The following IFNAR1 variants were observed in gnomAD, a reference collection of about 807,000 sequenced individuals.
IFNAR1 encodes interferon alpha and beta receptor subunit 1.
In IFNAR1, 47 loss-of-function variants were observed where a neutral mutation model predicts 62.1. The ratio of observed to expected loss-of-function variants is 0.76; its 90% CI spans 0.60 to 0.97. The LOEUF (loss-of-function observed/expected upper bound fraction) is 0.97, where lower values mean the gene tolerates loss of function less well. IFNAR1 is among the 50% of genes least tolerant of loss of function. IFNAR1 has a pLI of 0.00. For missense variants in IFNAR1, 638 were observed against 654.5 expected (o/e 0.97, Z 0.27); for synonymous variants, 219 against 226.9 (o/e 0.97, Z 0.31).
chr21:33,348,822 AT>A (rs1008426149), intron 6 of IFNAR1, among the ~76,000 whole-genome samples: 3 of 152,166 alleles, frequency 2.0e-5, no homozygotes, highest in Non-Finnish European at 2.9e-5. Context: ...GCCAAAAAAA[AT>A]AAACCAGCTT....
At chr21:33,339,706 GAGGTGAGGAGTTTA>G (rs2083275808) in intron 2 of IFNAR1, among the ~76,000 whole-genome samples, 1 of 151,988 alleles carries the variant, frequency 6.6e-6, no homozygotes, top group African/African-American at 2.4e-5. Flanking sequence ...CAGATCACCT[GAGGTGAGGAGTTTA>G]AGATCAGTCT....
intron 6 of IFNAR1, among the ~76,000 whole-genome samples, chr21:33,347,548 T>A (rs774538101): frequency 1.3e-5 from 2 of 152,170 alleles, no homozygotes; most frequent in Non-Finnish European, 2.9e-5. Context: ...ATTAGAGGCA[T>A]GAGCCACCAT....
At chr21:33,341,662 A>G (rs1264120343) in intron 3 of IFNAR1, among the ~76,000 whole-genome samples, 1 of 152,274 alleles carries the variant, frequency 6.6e-6, no homozygotes, top group Non-Finnish European at 1.5e-5. Context: ...TTACCATAAA[A>G]TAGGTTTATC....
chr21:33,325,046 C>T lies in IFNAR1; in HGVS notation c.-10C>T, dbSNP rs745561449. 4 of 1,589,978 alleles carry T rather than the reference C, an allele frequency of 2.5e-6. No homozygotes were observed. The highest frequency in any genetic ancestry group is 1.8e-5 in the Admixed American group (1 of 55,724). On this transcript the variant is annotated 5_prime_UTR_variant, in exon 1 of 11. Transcript: ENST00000270139. Reference sequence around the variant, plus strand: ...AACATGTAACTGGTGGGATCTGCGGCGGCTCCCAGATGATGGTCGTCCTCC... The same window carrying T: ...AACATGTAACTGGTGGGATCTGCGGTGGCTCCCAGATGATGGTCGTCCTCC...
Position 33,345,329 on chromosome 21 carries a change from G to C in IFNAR1, c.757G>C (p.Ala253Pro). 1.3e-6 allele frequency: 2 copies of C among 1,598,960 alleles called. No homozygotes were observed. Among genetic ancestry groups the C allele is most frequent in the Non-Finnish European group, 1.7e-6 (2 of 1,166,860 alleles). The change falls in exon 6 of 11, where the codon GCA (alanine) becomes CCA (proline). Residue 253 changes from alanine to proline, a missense_variant. Physicochemically the swap from Ala to Pro is conservative, Grantham distance 27 (BLOSUM62 -1). Coordinates refer to ENST00000270139, the MANE Select transcript of IFNAR1 (RefSeq NM_000629.3). ...TGTTCTTAAATGGGATTATACATAT[G>C]CAAACATGACCTTTCAAGTTCAGTG... is the stretch of plus-strand genomic sequence containing the variant. ...NYVLKWDYTYANMTFQVQWLH... is the reference protein window; with the variant it reads ...NYVLKWDYTYPNMTFQVQWLH...
At chr21:33,326,212 CTT>C (rs3989181) in intron 1 of IFNAR1, among the ~76,000 whole-genome samples, 291 of 138,298 alleles carry the variant, frequency 2.1e-3, no homozygotes, top group Middle Eastern at 7.5e-3. Flanking sequence ...TTTATTTATA[CTT>C]TTTTTTTTTT....
chr21:33,358,958 T>C lies in IFNAR1; in HGVS notation c.*3409T>C, dbSNP rs2083475485. 6.6e-6 allele frequency: 1 copy of C among 152,146 alleles called. No individual in the cohort carries two copies. The highest frequency in any genetic ancestry group is 6.5e-5 in the Admixed American group (1 of 15,270). 9.4% of individuals were successfully genotyped at this position (152,146 alleles called of 1,614,324 possible). ...AGGTGTGCAGAAGCTTTCCTTTCCC[T>C]ACCCAGTAACCATGTGACTACTAAC... is the stretch of plus-strand genomic sequence containing the variant. On this transcript the variant is annotated 3_prime_UTR_variant, in exon 11 of 11. Transcript: ENST00000270139.
chr21:33,325,878 C>T (rs1465532876), intron 1 of IFNAR1, among the ~76,000 whole-genome samples: 2 of 152,098 alleles, frequency 1.3e-5, no homozygotes, highest in East Asian at 3.8e-4. Context: ...TTGTTTTGCA[C>T]CTGAGAAGAT....
In IFNAR1 at chr21:33,356,460, T is replaced by C. The variant is rs902589823; in HGVS notation, c.*911T>C. 5.9e-5 allele frequency: 9 copies of C among 152,240 alleles called. No homozygotes were observed. Among genetic ancestry groups the C allele is most frequent in the Non-Finnish European group, 8.8e-5 (6 of 68,024 alleles). The allele number at this position is 152,240 out of a possible 1,614,324, so 9.4% of individuals were successfully genotyped here. On this transcript the variant is annotated 3_prime_UTR_variant, in exon 11 of 11. Coordinates refer to ENST00000270139, the MANE Select transcript of IFNAR1 (RefSeq NM_000629.3). ...TGATCCCTAAAAATGTTGAGGGACT[T>C]CTGTTCATTCATCCCGAGAACATTG...
At chr21:33,349,679 C>T in intron 8 of IFNAR1, 136 bp downstream of exon 8, 1 of 634,094 alleles carries the variant, frequency 1.6e-6, no homozygotes, top group Non-Finnish European at 2.6e-6. Flanking sequence ...AATCCCAGCA[C>T]TTCAGGAGGC....
In IFNAR1 at chr21:33,355,679, G is replaced by C; in HGVS notation, c.*130G>C. 1 of 528,264 alleles carries C rather than the reference G, an allele frequency of 1.9e-6. No homozygotes were observed. Among genetic ancestry groups the C allele is most frequent in the Non-Finnish European group, 3.4e-6 (1 of 298,284 alleles). 32.7% of individuals were successfully genotyped at this position (528,264 alleles called of 1,614,324 possible). On this transcript the variant is annotated 3_prime_UTR_variant, in exon 11 of 11. Coordinates refer to ENST00000270139, the MANE Select transcript of IFNAR1 (RefSeq NM_000629.3). The stretch of plus-strand genomic sequence containing the variant: ...TTTAGGGAAAGAAAAAACATCTTCA[G>C]ATCATAGGTCCTAAAAATACGGGCA...
intron 2 of IFNAR1, among the ~76,000 whole-genome samples, chr21:33,337,833 A>G (rs766280114): frequency 7.4e-6 from 1 of 135,756 alleles, no homozygotes; most frequent in Non-Finnish European, 1.6e-5. Flanking sequence ...CTCAGAATTG[A>G]TCATTTAAAA....
intron 5 of IFNAR1, among the ~76,000 whole-genome samples, chr21:33,344,714 T>C (rs1299638269): frequency 6.6e-6 from 1 of 152,038 alleles, no homozygotes; most frequent in East Asian, 1.9e-4. Flanking sequence ...AATACAGATC[T>C]ATTACGTTCT....
rs553957930 is a variant in IFNAR1 at position 33,349,873 on chromosome 21, G to A, written c.1143+330G>A. Among the ~76,000 whole-genome samples the A allele has an allele frequency of 5.3e-5, 8 of 151,814 alleles. No individual in the cohort carries two copies. In the South Asian group the frequency reaches 1.0e-3, roughly 20 times the overall value. On this transcript the variant is annotated intron_variant, in intron 8 of 10. Coordinates refer to ENST00000270139, the MANE Select transcript of IFNAR1 (RefSeq NM_000629.3). ...GTCAAGGCTGCAGTGAGCCATGATC[G>A]TGCCACTGCACTCCAGCCTGGGTGA...
chr21:33,346,169 A>G (rs2083343870), intron 6 of IFNAR1, among the ~76,000 whole-genome samples: 1 of 152,218 alleles, frequency 6.6e-6, no homozygotes, highest in Non-Finnish European at 1.5e-5. Flanking sequence ...ATTGTAGGAG[A>G]TGAATAGAGA....
chr21:33,334,077 G>GAC (rs1292807016), intron 1 of IFNAR1, among the ~76,000 whole-genome samples: 2 of 152,004 alleles, frequency 1.3e-5, no homozygotes, highest in African/African-American at 4.8e-5. Context: ...TGTAAAAACA[G>GAC]ACAAAGAAGG....
chr21:33,324,965 G>A, upstream of IFNAR1: 1 of 1,163,752 alleles, frequency 8.6e-7, no homozygotes, highest in Non-Finnish European at 1.2e-6. Context: ...CGTGTGCAGA[G>A]GGGCGGTGTG....
intron 1 of IFNAR1, among the ~76,000 whole-genome samples, chr21:33,330,492 T>C (rs1281064694): frequency 6.6e-6 from 1 of 152,150 alleles, no homozygotes; most frequent in Non-Finnish European, 1.5e-5. Flanking sequence ...TAGCTCAAGC[T>C]GATCCTTGGC....
intron 6 of IFNAR1, among the ~76,000 whole-genome samples, chr21:33,348,567 C>A (rs1267026892): frequency 6.6e-6 from 1 of 151,980 alleles, no homozygotes; most frequent in South Asian, 2.1e-4. Flanking sequence ...TTTAGGAGGC[C>A]GAGGTAGGTG....
Sources: allele counts gnomAD v4.1 joint callset (sites outside exome capture counted in the v4.1 genomes callset), GRCh38; gene constraint gnomAD v4.1.1; transcripts MANE v1.5; gene names NCBI Gene and HGNC (gene_info 2026-07-23, HGNC 2026-07-21).